ADCY2: variants seen among roughly 807,000 people sequenced by gnomAD.
ADCY2 encodes adenylate cyclase 2.
A neutral mutation model predicts 125.2 loss-of-function variants in ADCY2; 31 were observed. The ratio of observed to expected loss-of-function variants is 0.25; its 90% CI spans 0.19 to 0.33. ADCY2 has a LOEUF of 0.33. Ranked by LOEUF, ADCY2 falls within the 10% of genes least tolerant of loss-of-function variation. ADCY2 has a pLI of 1.00. For missense variants in ADCY2, 904 were observed against 1,418.2 expected (o/e 0.64, Z 5.82); for synonymous variants, 512 against 548.4 (o/e 0.93, Z 0.93).
chr5:7,612,417 C>G (rs763446502), intron 3 of ADCY2, among the ~76,000 whole-genome samples: 12 of 152,196 alleles, frequency 7.9e-5, no homozygotes, highest in African/African-American at 2.9e-4. Flanking sequence ...GAGGCGGGGC[C>G]TAGCACAAAC....
chr5:7,669,487 C>G lies in ADCY2; in HGVS notation c.721-21204C>G, dbSNP rs917445487. ...ATCCAGATCCCAGAAAACTTGGTATCCCTGGCCAAGGAATTTACGTTTTAC... is the reference window on the plus strand; with the variant it reads ...ATCCAGATCCCAGAAAACTTGGTATGCCTGGCCAAGGAATTTACGTTTTAC... On this transcript the variant is annotated intron_variant, in intron 4 of 24. Transcript: ENST00000338316. 2.0e-5 allele frequency among the ~76,000 whole-genome samples: 3 copies of G among 152,260 alleles called. No individual in the cohort carries two copies. In the East Asian group the frequency reaches 5.8e-4, roughly 29 times the overall value.
At chr5:7,452,594 C>A (rs374630693) in intron 2 of ADCY2, among the ~76,000 whole-genome samples, 1 of 152,096 alleles carries the variant, frequency 6.6e-6, no homozygotes, top group Admixed American at 6.6e-5. Context: ...GATATAACTT[C>A]TTTCCTTTTC....
chr5:7,477,589 A>G (rs1006991111), intron 2 of ADCY2, among the ~76,000 whole-genome samples: 10 of 152,206 alleles, frequency 6.6e-5, no homozygotes, highest in Non-Finnish European at 1.5e-4. Context: ...AGTGTGCACC[A>G]GAGACAGCTC....
chr5:7,691,251 A>C (rs1740693800), intron 5 of ADCY2: 2 of 153,384 alleles, frequency 1.3e-5, no homozygotes, highest in Admixed American at 1.3e-4. Context: ...GCCTCTGTGA[A>C]GACAACACAT....
rs964680392 is a variant in ADCY2 at position 7,413,549 on chromosome 5, C to T, written c.211-1024C>T. Among the ~76,000 whole-genome samples the T allele has an allele frequency of 2.0e-5, 3 of 151,972 alleles. No individual in the cohort carries two copies. In the South Asian group the frequency reaches 6.2e-4, roughly 32 times the overall value. The stretch of plus-strand genomic sequence containing the variant: ...TCCTGACCTTGTGATCTGCCCGCCT[C>T]GGCCTCCCAAAGTACTGGGATTACA... On this transcript the variant is annotated intron_variant, in intron 1 of 24. Transcript: ENST00000338316.
At chr5:7,595,134 C>G (rs1017545963) in intron 3 of ADCY2, among the ~76,000 whole-genome samples, 1 of 152,154 alleles carries the variant, frequency 6.6e-6, no homozygotes, top group Admixed American at 6.5e-5. Flanking sequence ...CTTATAATGA[C>G]CACGTTGCAA....
intron 15 of ADCY2, among the ~76,000 whole-genome samples, chr5:7,751,322 G>A (rs999528243): frequency 1.9e-4 from 29 of 151,906 alleles, no homozygotes; most frequent in African/African-American, 6.0e-4. Context: ...GTGCTAATTC[G>A]ACTACCTCTA....
At chr5:7,821,899 A>AG (rs1745313730) in intron 24 of ADCY2, among the ~76,000 whole-genome samples, 1 of 152,338 alleles carries the variant, frequency 6.6e-6, no homozygotes, top group East Asian at 1.9e-4. Context: ...GAACGGAGTG[A>AG]GGGGACCAGT....
chr5:7,581,423 C>T (rs982306511), intron 3 of ADCY2, among the ~76,000 whole-genome samples: 7 of 152,068 alleles, frequency 4.6e-5, no homozygotes, highest in Non-Finnish European at 1.0e-4. Context: ...ACTTTAATCA[C>T]TAGAGCAATC....
At chr5:7,748,019 G>A (rs551634989) in intron 15 of ADCY2, among the ~76,000 whole-genome samples, 8 of 152,168 alleles carry the variant, frequency 5.3e-5, no homozygotes, top group African/African-American at 1.4e-4. Flanking sequence ...ATCCTGCTCC[G>A]CATTCTGGCG....
intron 16 of ADCY2, among the ~76,000 whole-genome samples, chr5:7,764,197 G>A (rs1405533972): frequency 6.6e-6 from 1 of 152,172 alleles, no homozygotes; most frequent in Non-Finnish European, 1.5e-5. Context: ...CAAAAGTGGA[G>A]AAAAACAATT....
chr5:7,719,931 C>G (rs1741706197), intron 12 of ADCY2, among the ~76,000 whole-genome samples: 1 of 152,102 alleles, frequency 6.6e-6, no homozygotes, highest in South Asian at 2.1e-4. Flanking sequence ...CTGAATAAAT[C>G]TGGGTGCAGG....
chr5:7,720,544 C>A (rs543250071), intron 12 of ADCY2, among the ~76,000 whole-genome samples: 9 of 152,068 alleles, frequency 5.9e-5, no homozygotes, highest in African/African-American at 2.2e-4. Flanking sequence ...CTATCCTCCC[C>A]TCTCCCCCCA....
intron 19 of ADCY2, among the ~76,000 whole-genome samples, chr5:7,788,167 T>G (rs1307127982): frequency 2.6e-5 from 4 of 152,118 alleles, no homozygotes; most frequent in Non-Finnish European, 5.9e-5. Flanking sequence ...ATAAACAAAC[T>G]TTTATTTTTG....
At chr5:7,407,625 C>A (rs1247249163) in intron 1 of ADCY2, among the ~76,000 whole-genome samples, 5 of 152,142 alleles carry the variant, frequency 3.3e-5, no homozygotes, top group Non-Finnish European at 2.9e-5. Context: ...CGATGGGCAT[C>A]TGTTGCTTCT....
intron 22 of ADCY2, among the ~76,000 whole-genome samples, chr5:7,805,185 G>A (rs1744719628): frequency 6.6e-6 from 1 of 151,868 alleles, no homozygotes; most frequent in African/African-American, 2.4e-5. Flanking sequence ...AGCCAGGTGT[G>A]GTAGCATGCA....
At chr5:7,741,280 G>C (rs1302168925) in intron 14 of ADCY2, among the ~76,000 whole-genome samples, 1 of 151,972 alleles carries the variant, frequency 6.6e-6, no homozygotes, top group Non-Finnish European at 1.5e-5. Context: ...CATAAATCCA[G>C]ACAACATCAC....
At chr5:7,534,319 G>A (rs570602227) in intron 3 of ADCY2, among the ~76,000 whole-genome samples, 107 of 152,374 alleles carry the variant, frequency 7.0e-4, no homozygotes, top group African/African-American at 2.4e-3. Flanking sequence ...AACATAAATT[G>A]CATGCATGTT....
At chr5:7,443,645 A>C in intron 2 of ADCY2, among the ~76,000 whole-genome samples, 1 of 144,692 alleles carries the variant, frequency 6.9e-6, no homozygotes, top group Admixed American at 6.9e-5. Flanking sequence ...GTCTCAAAAA[A>C]AAAAAAAAAA....
Sources: gnomAD v4.1 joint callset for allele counts (sites outside exome capture counted in the v4.1 genomes callset) on GRCh38, gnomAD v4.1.1 for gene constraint, MANE v1.5 for transcripts, NCBI Gene and HGNC (gene_info 2026-07-23, HGNC 2026-07-21) for gene names.